TP53RK: variants seen among roughly 807,000 people sequenced by gnomAD.
TP53RK encodes the protein TP53 regulating kinase, also known as EKC/KEOPS complex subunit TP53RK.
A neutral mutation model predicts 14.9 loss-of-function variants in TP53RK; 17 were observed. The ratio of observed to expected loss-of-function variants is 1.14; its 90% CI spans 0.78 to 1.71. The LOEUF (loss-of-function observed/expected upper bound fraction) is 1.71, where lower values mean the gene tolerates loss of function less well. Among genes scored for constraint, TP53RK ranks in the 40% most tolerant of loss-of-function variants. TP53RK has a pLI of 0.00. For synonymous variants in TP53RK, 131 were observed against 138.0 expected (o/e 0.95, Z 0.36); for missense variants, 343 against 332.0 (o/e 1.03, Z -0.26).
rs2063183783 is a variant in TP53RK at position 46,687,095 on chromosome 20, GGA to G, written c.418_419del (p.Ser140GlnfsTer16). ...CCTGCCCAATTGTCTTGGCTAAGTT[GGA>G]GAGACCCTGGGGAGTTTTTTCAGTC... ...METEKTPQGL[S>X]NLAKTIGQVL... On this transcript the variant is annotated frameshift_variant, in exon 2 of 2. Transcript: ENST00000372114. LOFTEE classifies it high-confidence loss of function. 1 of 1,614,156 alleles carries G rather than the reference GGA, an allele frequency of 6.2e-7. No individual in the cohort carries two copies. Among genetic ancestry groups the G allele is most frequent in the Non-Finnish European group, 8.5e-7 (1 of 1,180,036 alleles).
chr20:46,684,571 C>G lies in TP53RK; in HGVS notation c.*2182G>C, dbSNP rs934069251. On this transcript the variant is annotated 3_prime_UTR_variant, in exon 2 of 2. Coordinates refer to ENST00000372114, the MANE Select transcript of TP53RK (RefSeq NM_033550.4). ...ATCACGAGAACAGCACGGAGGTAGC[C>G]GCCCCGAGGATTAAATTACCTCCCA... 6.6e-6 allele frequency: 1 copy of G among 152,094 alleles called. No individual in the cohort carries two copies. The highest frequency in any genetic ancestry group is 6.5e-5 in the Admixed American group (1 of 15,280). The allele number at this position is 152,094 out of a possible 1,614,324, so 9.4% of individuals were successfully genotyped here. A position where few individuals can be genotyped will look rare whatever the true frequency, so the allele number is the denominator to read the frequency against.
chr20:46,686,880 G>GCAA lies in TP53RK; in HGVS notation c.634_635insTTG (p.Pro212delinsLeuAla). The GCAA allele has an allele frequency of 6.2e-7, 1 of 1,614,118 alleles. No individual in the cohort carries two copies. On this transcript the variant is annotated protein_altering_variant, in exon 2 of 2. Coordinates refer to ENST00000372114, the MANE Select transcript of TP53RK (RefSeq NM_033550.4). The stretch of plus-strand genomic sequence containing the variant: ...GGCTTCAAACACAGTTTCAGTGTTG[G>GCAA]GATGGGTACTGAGGAAGGCCTTCTC...
At position 46,685,327 on chromosome 20, in the gene TP53RK, G is replaced by A. The variant is rs1251740489; in HGVS notation, c.*1426C>T. On this transcript the variant is annotated 3_prime_UTR_variant, in exon 2 of 2. Coordinates refer to ENST00000372114, the MANE Select transcript of TP53RK (RefSeq NM_033550.4). ...AGCTGGCAATAACAAAAGAAAAATTGGAACATTTACAAATGTGTGGAAATT... is the reference window on the plus strand; with the variant it reads ...AGCTGGCAATAACAAAAGAAAAATTAGAACATTTACAAATGTGTGGAAATT... 1 of 152,172 alleles carries A rather than the reference G, an allele frequency of 6.6e-6. No homozygotes were observed. Among genetic ancestry groups the A allele is most frequent in the Non-Finnish European group, 1.5e-5 (1 of 68,036 alleles). 9.4% of individuals were successfully genotyped at this position (152,172 alleles called of 1,614,324 possible). A position where few individuals can be genotyped will look rare whatever the true frequency, so the allele number is the denominator to read the frequency against.
rs1315792821 is a variant in TP53RK, at chr20:46,689,265, G to A, written c.150C>T (p.Gly50=). 7.2e-6 allele frequency: 11 copies of A among 1,537,258 alleles called. No individual in the cohort carries two copies. The highest frequency in any genetic ancestry group is 1.9e-5 in the Admixed American group (1 of 51,550). ...KQGAEARVFR[G]RFQGRAAVIK... is the part of the protein sequence containing the mutation. ...TCACCGCCGCGCGGCCCTGGAAGCG[G>A]CCACGGAACACGCGCGCCTCGGCAC... The change falls in exon 1 of 2, where the codon GGC becomes GGT. Residue 50 remains glycine, a synonymous_variant. Coordinates refer to ENST00000372114, the MANE Select transcript of TP53RK (RefSeq NM_033550.4).
chr20:46,686,453 C>G lies in TP53RK; in HGVS notation c.*300G>C. The G allele has an allele frequency of 3.3e-6, 1 of 306,078 alleles. No individual in the cohort carries two copies. The highest frequency in any genetic ancestry group is 6.1e-6 in the Non-Finnish European group (1 of 163,790). The allele number at this position is 306,078 out of a possible 1,614,324, so 19.0% of individuals were successfully genotyped here. ...AGACTTCATCCTTGTCTCACAAGGA[C>G]TAAAAAGAGAATAATGTTCTCATTA... is the stretch of plus-strand genomic sequence containing the variant. On this transcript the variant is annotated 3_prime_UTR_variant, in exon 2 of 2. Coordinates refer to ENST00000372114, the MANE Select transcript of TP53RK (RefSeq NM_033550.4).
In TP53RK at chr20:46,687,151, C is replaced by T. The variant is rs751828263; in HGVS notation, c.364G>A (p.Val122Ile). Reference sequence around the variant, plus strand: ...ATAGTGGACTGAATATAATCTCGAACAGTCACTGAGCCTTCAATTTCTTCC... The same window carrying T: ...ATAGTGGACTGAATATAATCTCGAATAGTCACTGAGCCTTCAATTTCTTCC... ...YMEEIEGSVT[V>I]RDYIQSTMET... The change falls in exon 2 of 2, where the codon GTT (valine) becomes ATT (isoleucine). Residue 122 changes from valine (V) to isoleucine (I), a missense_variant. Transcript: ENST00000372114. The T allele has an allele frequency of 1.2e-6, 2 of 1,614,098 alleles. No individual in the cohort carries two copies. Among genetic ancestry groups the T allele is most frequent in the Admixed American group, 3.3e-5 (2 of 60,018 alleles).
In TP53RK at chr20:46,689,287, G is replaced by A. The variant is rs886913294; in HGVS notation, c.128C>T (p.Ala43Val). Reference protein sequence around the residue: ...LSGLELVKQGAEARVFRGRFQ... With the variant: ...LSGLELVKQGVEARVFRGRFQ... The stretch of plus-strand genomic sequence containing the variant: ...GCGGCCACGGAACACGCGCGCCTCG[G>A]CACCCTGCTTCACCAGCTCCAGGCC... The change falls in exon 1 of 2, where the codon GCC becomes GTC. Residue 43 changes from alanine (A) to valine (V), a missense_variant. Coordinates refer to ENST00000372114, the MANE Select transcript of TP53RK (RefSeq NM_033550.4). 10 of 1,543,110 alleles carry A rather than the reference G, an allele frequency of 6.5e-6. No individual in the cohort carries two copies. The South Asian group carries it at 1.1e-4, about 16-fold the overall frequency.
In TP53RK at chr20:46,686,728, G is replaced by A. The variant is rs574309486; in HGVS notation, c.*25C>T. The A allele has an allele frequency of 2.0e-4, 316 of 1,564,244 alleles. 3 individuals carry two copies. The South Asian group carries it at 3.3e-3, about 16-fold the overall frequency. ...TTTACTTTGAAAAAAGAGCTTCACTGTGTGTGGTTGTCATACACATTCTTC... is the reference window on the plus strand; with the variant it reads ...TTTACTTTGAAAAAAGAGCTTCACTATGTGTGGTTGTCATACACATTCTTC... On this transcript the variant is annotated 3_prime_UTR_variant, in exon 2 of 2. Coordinates refer to ENST00000372114, the MANE Select transcript of TP53RK (RefSeq NM_033550.4).
At position 46,685,702 on chromosome 20, in the gene TP53RK, A is replaced by G. The variant is rs570167044; in HGVS notation, c.*1051T>C. On this transcript the variant is annotated 3_prime_UTR_variant, in exon 2 of 2. Transcript: ENST00000372114. ...GTACCCAATACCCAACAGGGTGCCA[A>G]GTACCCAATACCCAACAGGGTGCCA... The G allele has an allele frequency of 2.1e-4, 32 of 152,334 alleles. No homozygotes were observed. The highest frequency in any genetic ancestry group is 9.8e-4 in the Admixed American group (15 of 15,302). The allele number at this position is 152,334 out of a possible 1,614,324, so 9.4% of individuals were successfully genotyped here.
rs1413834214 is a variant in TP53RK at position 46,684,492 on chromosome 20, C to G, written c.*2261G>C. 1 of 152,210 alleles carries G rather than the reference C, an allele frequency of 6.6e-6. No individual in the cohort carries two copies. Among genetic ancestry groups the G allele is most frequent in the Non-Finnish European group, 1.5e-5 (1 of 68,046 alleles). The allele number at this position is 152,210 out of a possible 1,614,324, so 9.4% of individuals were successfully genotyped here. ...CCACGTGGCAGCAGGAAGTGCCGAA[C>G]AAGAGGGAAAAGCCCCTTATAAAAC... On this transcript the variant is annotated 3_prime_UTR_variant, in exon 2 of 2. Coordinates refer to ENST00000372114, the MANE Select transcript of TP53RK (RefSeq NM_033550.4).
At chr20:46,688,743 C>T (rs1329502996) in intron 1 of TP53RK, among the ~76,000 whole-genome samples, 1 of 152,202 alleles carries the variant, frequency 6.6e-6, no homozygotes, top group African/African-American at 2.4e-5. Context: ...GGGAGCCTGG[C>T]TCCAGTGGGG....
In TP53RK at chr20:46,685,889, T is replaced by A. The variant is rs2063178422; in HGVS notation, c.*864A>T. On this transcript the variant is annotated 3_prime_UTR_variant, in exon 2 of 2. Coordinates refer to ENST00000372114, the MANE Select transcript of TP53RK (RefSeq NM_033550.4). ...AAAGCTAGCTCCTGGTACTTTTGCA[T>A]CCACACTCAGTTTACCTGTGCCTTA... The A allele has an allele frequency of 6.6e-6, 1 of 152,250 alleles. No homozygotes were observed. The highest frequency in any genetic ancestry group is 2.1e-4 in the South Asian group (1 of 4,832). The allele number at this position is 152,250 out of a possible 1,614,324, so 9.4% of individuals were successfully genotyped here.
In TP53RK at chr20:46,686,432, T is replaced by A. The variant is rs74437105; in HGVS notation, c.*321A>T. 1,647 of 253,528 alleles carry A rather than the reference T, an allele frequency of 6.5e-3. 12 individuals carry two copies. Among genetic ancestry groups the A allele is most frequent in the Non-Finnish European group, 9.8e-3 (1,282 of 131,264 alleles). 15.7% of individuals were successfully genotyped at this position (253,528 alleles called of 1,614,324 possible). On this transcript the variant is annotated 3_prime_UTR_variant, in exon 2 of 2. Transcript: ENST00000372114. Reference sequence around the variant, plus strand: ...CTCAGCGAGTATCAGCAACTGAGACTTCATCCTTGTCTCACAAGGACTAAA... The same window carrying A: ...CTCAGCGAGTATCAGCAACTGAGACATCATCCTTGTCTCACAAGGACTAAA...
intron 1 of TP53RK, 54 bp downstream of exon 1, chr20:46,689,078 G>T: frequency 1.5e-6 from 2 of 1,343,502 alleles, no homozygotes; most frequent in Non-Finnish European, 1.9e-6. Flanking sequence ...TCCCTCACCC[G>T]CCCAGGCCCC....
chr20:46,686,060 T>C lies in TP53RK; in HGVS notation c.*693A>G, dbSNP rs2063178912. ...TAGATCAATCACTTGTCTTAGAAGG[T>C]AACCACAAAAATACAAAGCAATAAA... On this transcript the variant is annotated 3_prime_UTR_variant, in exon 2 of 2. Coordinates refer to ENST00000372114, the MANE Select transcript of TP53RK (RefSeq NM_033550.4). The C allele has an allele frequency of 6.6e-6, 1 of 152,234 alleles. No homozygotes were observed. Among genetic ancestry groups the C allele is most frequent in the Non-Finnish European group, 1.5e-5 (1 of 68,040 alleles). 9.4% of individuals were successfully genotyped at this position (152,234 alleles called of 1,614,324 possible). A position where few individuals can be genotyped will look rare whatever the true frequency, so the allele number is the denominator to read the frequency against.
chr20:46,686,832 G>C lies in TP53RK; in HGVS notation c.683C>G (p.Ser228Cys). 1.9e-6 allele frequency: 3 copies of C among 1,614,180 alleles called. No individual in the cohort carries two copies. Among genetic ancestry groups the C allele is most frequent in the Non-Finnish European group, 2.5e-6 (3 of 1,180,042 alleles). Residue 228 changes from serine (S) to cysteine (C), a missense_variant, in exon 2 of 2, where the codon TCC (serine) becomes TGC (cysteine). Ser to Cys is a moderately radical substitution (Grantham distance 112). Transcript: ENST00000372114. ...TAGCACTGGCCTGGCCTTTTTGGAG[G>C]AGGTGGAGTAGCTCTTCAGAAAGGC... ...FEAFLKSYSTSSKKARPVLKK... is the reference protein window; with the variant it reads ...FEAFLKSYSTCSKKARPVLKK...
At chr20:46,688,773 G>C (rs2063192477) in intron 1 of TP53RK, among the ~76,000 whole-genome samples, 1 of 152,220 alleles carries the variant, frequency 6.6e-6, no homozygotes, top group East Asian at 1.9e-4. Context: ...GTCATTACAT[G>C]TTTCTTAAAA....
Position 46,686,226 on chromosome 20 carries a change from A to T in TP53RK, c.*527T>A, listed in dbSNP as rs1316038223. The T allele has an allele frequency of 6.6e-6, 1 of 152,462 alleles. No individual in the cohort carries two copies. The highest frequency in any genetic ancestry group is 1.9e-4 in the East Asian group (1 of 5,210). 9.4% of individuals were successfully genotyped at this position (152,462 alleles called of 1,614,324 possible). On this transcript the variant is annotated 3_prime_UTR_variant, in exon 2 of 2. Transcript: ENST00000372114. ...AATATATTTGACATCAAAACTCAGCACATATCCTTGGTCTATATATACACG... is the reference window on the plus strand; with the variant it reads ...AATATATTTGACATCAAAACTCAGCTCATATCCTTGGTCTATATATACACG...
Position 46,689,286 on chromosome 20 carries a change from G to C in TP53RK, c.129C>G (p.Ala43=), listed in dbSNP as rs770305728. Reference sequence around the variant, plus strand: ...AGCGGCCACGGAACACGCGCGCCTCGGCACCCTGCTTCACCAGCTCCAGGC... The same window carrying C: ...AGCGGCCACGGAACACGCGCGCCTCCGCACCCTGCTTCACCAGCTCCAGGC... ...LSGLELVKQG[A]EARVFRGRFQ... The change falls in exon 1 of 2, where the codon GCC becomes GCG. Residue 43 remains alanine, a synonymous_variant. Transcript: ENST00000372114. 3 of 1,542,920 alleles carry C rather than the reference G, an allele frequency of 1.9e-6. No homozygotes were observed. The highest frequency in any genetic ancestry group is 1.2e-5 in the South Asian group (1 of 85,068).
Sources: allele counts gnomAD v4.1 joint callset (sites outside exome capture counted in the v4.1 genomes callset), GRCh38; gene constraint gnomAD v4.1.1; transcripts MANE v1.5; gene names NCBI Gene and HGNC (gene_info 2026-07-23, HGNC 2026-07-21).